CAPN15: variants seen among roughly 807,000 people sequenced by gnomAD.
CAPN15 encodes the protein calpain-15.
Under a neutral mutation model 97.9 loss-of-function variants are expected in CAPN15, and 53 were observed. The observed-to-expected ratio is 0.54, with a 90% CI of 0.43 to 0.68. CAPN15 has a LOEUF of 0.68. Among genes scored for constraint, CAPN15 ranks in the 30% least tolerant of loss-of-function variants. The pLI is 0.00. For missense variants in CAPN15, 1,592 were observed against 1,589.8 expected (o/e 1.00, Z -0.02); for synonymous variants, 922 against 722.5 (o/e 1.28, Z -4.43).
intron 3 of CAPN15, among the ~76,000 whole-genome samples, chr16:546,486 C>A (rs539558730): frequency 6.6e-6 from 1 of 152,180 alleles, no homozygotes; most frequent in Non-Finnish European, 1.5e-5. Flanking sequence ...TTGGCCGGGA[C>A]CCCCTGCTAT....
At position 547,394 on chromosome 16, in the gene CAPN15, G is replaced by C. The variant is rs1485253564; in HGVS notation, c.556G>C (p.Glu186Gln). 10 of 1,563,324 alleles carry C rather than the reference G, an allele frequency of 6.4e-6. No individual in the cohort carries two copies. Among genetic ancestry groups the C allele is most frequent in the Middle Eastern group, 1.9e-4 (1 of 5,312 alleles). ...CCCTCCTGAGGCCCTGGTGGTCCCG[G>C]AAGTGGTGGCCCCGGCCGGCTTCCA... ...RIPPEALVVP[E>Q]VVAPAGFHVV... is the part of the protein sequence containing the mutation. Residue 186 changes from glutamate (E) to glutamine (Q), a missense_variant, in exon 4 of 14, where the codon GAA becomes CAA. Transcript: ENST00000219611.
intron 1 of CAPN15, among the ~76,000 whole-genome samples, chr16:533,298 C>G (rs1291417890): frequency 6.6e-6 from 1 of 152,232 alleles, no homozygotes; most frequent in Non-Finnish European, 1.5e-5. Context: ...GGGCCCTACA[C>G]AGGGCCCAGG....
chr16:536,633 G>A (rs535065192), intron 3 of CAPN15, among the ~76,000 whole-genome samples: 6 of 152,094 alleles, frequency 3.9e-5, no homozygotes, highest in East Asian at 1.9e-4. Context: ...TCCATCTTGC[G>A]CAGGCTAGTC....
Position 547,169 on chromosome 16 carries a change from G to T in CAPN15, c.331G>T (p.Ala111Ser). 1 of 1,542,272 alleles carries T rather than the reference G, an allele frequency of 6.5e-7. No individual in the cohort carries two copies. Among genetic ancestry groups the T allele is most frequent in the South Asian group, 1.2e-5 (1 of 81,622 alleles). Residue 111 changes from alanine to serine, a missense_variant, in exon 4 of 14, where the codon GCG becomes TCG. Physicochemically the swap from Ala to Ser is moderately conservative, Grantham distance 99. Around this residue, in one of 3 missense-constraint regions of CAPN15, gnomAD observed 883 missense variants for 776.6 expected, o/e 1.14. Coordinates refer to ENST00000219611, the MANE Select transcript of CAPN15 (RefSeq NM_005632.3). ...GGAGGAAGCAGGTCCAGTGAGGACT[G>T]CGGGGCTGGTGGCCACGGAGCCCGC... ...CQEEAGPVRT[A>S]GLVATEPARG... is the part of the protein sequence containing the mutation.
In CAPN15 at chr16:553,731, C is replaced by A; in HGVS notation, c.*215C>A. On this transcript the variant is annotated 3_prime_UTR_variant, in exon 14 of 14. Transcript: ENST00000219611. ...GCCTGGCCAGGCCTCCTGGCCGCCA[C>A]GCAGAATACCTCGAACCAGGCGGGC... is the stretch of plus-strand genomic sequence containing the variant. The A allele has an allele frequency of 2.1e-6, 1 of 466,074 alleles. No homozygotes were observed. The highest frequency in any genetic ancestry group is 3.8e-6 in the Non-Finnish European group (1 of 262,720). The allele number at this position is 466,074 out of a possible 1,614,324, so 28.9% of individuals were successfully genotyped here. A position where few individuals can be genotyped will look rare whatever the true frequency, so the allele number is the denominator to read the frequency against.
chr16:551,601 G>A lies in CAPN15; in HGVS notation c.2282G>A (p.Gly761Asp). 1 of 1,608,488 alleles carries A rather than the reference G, an allele frequency of 6.2e-7. No individual in the cohort carries two copies. The highest frequency in any genetic ancestry group is 1.1e-5 in the South Asian group (1 of 91,062). The change falls in exon 9 of 14, where the codon GGC becomes GAC. Residue 761 changes from glycine (G) to aspartate (D), a missense_variant. Gly to Asp is a moderately conservative substitution (Grantham distance 94). Around this residue, in one of 3 missense-constraint regions of CAPN15, gnomAD observed 644 missense variants for 699.6 expected, o/e 0.92. Transcript: ENST00000219611. ...EWPHWPGHLR[G>D]ELMPHGSSEG... ...CCACACTGGCCGGGGCACCTGCGTG[G>A]CGAGCTCATGCCGCACGGCAGCAGT...
At chr16:553,140 T>TGC in intron 13 of CAPN15, 99 bp downstream of exon 13, 1 of 350,424 alleles carries the variant, frequency 2.9e-6, no homozygotes, top group Non-Finnish European at 4.9e-6. Context: ...CCTGCACAGG[T>TGC]GCCCCCTCCC....
In CAPN15 at chr16:547,881, A is replaced by G; in HGVS notation, c.1043A>G (p.Lys348Arg). The change falls in exon 4 of 14, where the codon AAG becomes AGG. Residue 348 changes from lysine (K) to arginine (R), a missense_variant. Lys to Arg is a conservative substitution (Grantham distance 26, BLOSUM62 2). Transcript: ENST00000219611. ...GACTTCACCACCTGGTCATGTGCCA[A>G]GTGCACGCTCAGAAACCCCACAGTG... is the stretch of plus-strand genomic sequence containing the variant. ...SPDFTTWSCA[K>R]CTLRNPTVAP... The G allele has an allele frequency of 1.9e-6, 3 of 1,611,422 alleles. No individual in the cohort carries two copies. Among genetic ancestry groups the G allele is most frequent in the Non-Finnish European group, 2.5e-6 (3 of 1,179,374 alleles).
In CAPN15 at chr16:533,410, C is replaced by T. The variant is rs548316221; in HGVS notation, c.-189-536C>T. Among the ~76,000 whole-genome samples the T allele has an allele frequency of 2.4e-4, 36 of 152,230 alleles. No individual in the cohort carries two copies. The South Asian group carries it at 4.4e-3, about 18-fold the overall frequency. ...AAGCCGCCTGGCTCGAAGCAGTGGCCGCCCTGCTGACAGCTGTAGTGGCCG... is the reference window on the plus strand; with the variant it reads ...AAGCCGCCTGGCTCGAAGCAGTGGCTGCCCTGCTGACAGCTGTAGTGGCCG... On this transcript the variant is annotated intron_variant, in intron 1 of 13. Transcript: ENST00000219611.
intron 1 of CAPN15, chr16:528,870 T>C (rs1020553184): frequency 1.6e-6 from 1 of 616,520 alleles, no homozygotes; most frequent in African/African-American, 2.0e-5. Context: ...TCTGCCCAGG[T>C]CTGAGGGGTG....
intron 3 of CAPN15, among the ~76,000 whole-genome samples, chr16:546,552 C>T (rs1229760922): frequency 6.6e-6 from 1 of 152,256 alleles, no homozygotes; most frequent in Non-Finnish European, 1.5e-5. Flanking sequence ...AGCAGCCCGG[C>T]TGTGGGGTGC....
rs780128717 is a variant in CAPN15 at position 553,525 on chromosome 16, C to T, written c.*9C>T. 156 of 1,595,900 alleles carry T rather than the reference C, an allele frequency of 9.8e-5. No homozygotes were observed. The highest frequency in any genetic ancestry group is 1.3e-4 in the Non-Finnish European group (154 of 1,168,586). ...GGCCCCGACCGCTGTGACCACCATGCCTGGGGCAGGGGCTGTGCACAGACG... is the reference window on the plus strand; with the variant it reads ...GGCCCCGACCGCTGTGACCACCATGTCTGGGGCAGGGGCTGTGCACAGACG... On this transcript the variant is annotated 3_prime_UTR_variant, in exon 14 of 14. Coordinates refer to ENST00000219611, the MANE Select transcript of CAPN15 (RefSeq NM_005632.3).
Position 547,786 on chromosome 16 carries a change from C to T in CAPN15, c.948C>T (p.Thr316=). 6.2e-7 allele frequency: 1 copy of T among 1,611,746 alleles called. No individual in the cohort carries two copies. ...GCCGCGTAGAGGCCGGCAGCTCCAC[C>T]TCGGGCAGTGACATCATTGACCTGG... ...GTSRVEAGSS[T]SGSDIIDLAG... The change falls in exon 4 of 14, where the codon ACC becomes ACT. Residue 316 remains threonine (T), a synonymous_variant. Transcript: ENST00000219611.
At chr16:550,911 C>G (rs377744061) in intron 7 of CAPN15, among the ~76,000 whole-genome samples, 10 of 126,158 alleles carry the variant, frequency 7.9e-5, no homozygotes, top group Non-Finnish European at 1.4e-4. Flanking sequence ...GTGAGGGTCC[C>G]GGTCAGTGAG....
chr16:533,050 G>C (rs760144569), intron 1 of CAPN15, among the ~76,000 whole-genome samples: 1 of 151,112 alleles, frequency 6.6e-6, no homozygotes, highest in African/African-American at 2.4e-5. Context: ...GTGAAACCTC[G>C]TCTTTACTAA....
rs1423747638 is a variant in CAPN15, at chr16:549,423, G to A, written c.1794G>A (p.Val598=). ...CKDGTWTTVL[V]DDMLPCDEAG... is the part of the protein sequence containing the mutation. ...ACGGCACGTGGACCACGGTGCTGGT[G>A]GACGACATGCTGCCCTGTGATGAGG... Residue 598 remains valine, a synonymous_variant, in exon 6 of 14, where the codon GTG becomes GTA. Transcript: ENST00000219611. The A allele has an allele frequency of 1.9e-6, 3 of 1,599,608 alleles. No homozygotes were observed. Among genetic ancestry groups the A allele is most frequent in the Non-Finnish European group, 1.7e-6 (2 of 1,178,740 alleles).
At chr16:545,104 C>T (rs2034494944) in intron 3 of CAPN15, among the ~76,000 whole-genome samples, 1 of 151,956 alleles carries the variant, frequency 6.6e-6, no homozygotes, top group Admixed American at 6.6e-5. Flanking sequence ...GGCGGTCTGG[C>T]CTCAGGAGGT....
rs776708061 is a variant in CAPN15, at chr16:551,660, G to A, written c.2341G>A (p.Val781Ile). The change falls in exon 9 of 14, where the codon GTC (valine) becomes ATC (isoleucine). Residue 781 changes from valine (V) to isoleucine (I), a missense_variant. Coordinates refer to ENST00000219611, the MANE Select transcript of CAPN15 (RefSeq NM_005632.3). ...CTTCTGGATGGAGTACGGCGACTTT[G>A]TCAGGTATCGGCACCGTGGGGCGGT... ...GVFWMEYGDF[V>I]RYFDSVDICK... 1 of 1,590,482 alleles carries A rather than the reference G, an allele frequency of 6.3e-7. No homozygotes were observed. The highest frequency in any genetic ancestry group is 1.3e-5 in the African/African-American group (1 of 74,710).
chr16:544,883 CGTCTCCCCCCACGTCGTCGT>C (rs2034477480), intron 3 of CAPN15, among the ~76,000 whole-genome samples: 2 of 123,098 alleles, frequency 1.6e-5, no homozygotes, highest in South Asian at 3.1e-4. Context: ...CTCACGTCGT[CGTCTCCCCCCACGTCGTCGT>C]CTCCCCTCAC....
Sources: gnomAD v4.1 joint callset for allele counts (sites outside exome capture counted in the v4.1 genomes callset) on GRCh38, gnomAD v4.1.1 for gene constraint, gnomAD v4.1.1 regional missense constraint, MANE v1.5 for transcripts, NCBI Gene and HGNC (gene_info 2026-07-23, HGNC 2026-07-21) for gene names.